The following ZNF484 variants were observed in gnomAD, a reference collection of about 807,000 sequenced individuals.
ZNF484 encodes zinc finger protein 484.
Under a neutral mutation model 12.9 loss-of-function variants are expected in ZNF484, and 11 were observed. That is an observed-to-expected ratio of 0.85 (90% CI 0.54 to 1.41). ZNF484 has a LOEUF of 1.41. ZNF484 is among the 40% of genes most tolerant of loss of function. ZNF484 has a pLI of 0.00. For synonymous variants in ZNF484, 289 were observed against 334.1 expected, an observed-to-expected ratio of 0.86 and a Z score of 1.47; for missense variants, 807 against 1,007.7, an observed-to-expected ratio of 0.80 and a Z score of 2.70.
At chr9:92,863,513 G>A (rs1464241732) in intron 2 of ZNF484, among the ~76,000 whole-genome samples, 1 of 152,142 alleles carries the variant, frequency 6.6e-6, no homozygotes, top group East Asian at 1.9e-4. Flanking sequence ...TCATGTGAAA[G>A]AATTAAAACA....
chr9:92,852,353 G>C lies in ZNF484; in HGVS notation c.235+3458C>G, dbSNP rs374464923. On this transcript the variant is annotated intron_variant, in intron 4 of 4. Transcript: ENST00000375495. Reference sequence around the variant, plus strand: ...TTGTTGCCCAGGCTGGAGTGCAGTGGCACGATCTCGGCTCACTGCAAGCTC... The same window carrying C: ...TTGTTGCCCAGGCTGGAGTGCAGTGCCACGATCTCGGCTCACTGCAAGCTC... 3.7e-4 allele frequency among the ~76,000 whole-genome samples: 57 copies of C among 152,176 alleles called. No individual in the cohort carries two copies. The East Asian group carries it at 5.2e-3, about 14-fold the overall frequency.
intron 2 of ZNF484, among the ~76,000 whole-genome samples, chr9:92,869,097 T>G (rs1274316075): frequency 6.6e-6 from 1 of 152,072 alleles, no homozygotes; most frequent in African/African-American, 2.4e-5. Context: ...GTAGGGGTTG[T>G]GACTGAATTA....
chr9:92,855,614 G>C (rs1371351344), intron 4 of ZNF484, among the ~76,000 whole-genome samples, 197 bp downstream of exon 4: 1 of 152,136 alleles, frequency 6.6e-6, no homozygotes, highest in East Asian at 1.9e-4. Context: ...AAAGAAGAAG[G>C]CATTGATATG....
At chr9:92,852,514 G>A (rs943947690) in intron 4 of ZNF484, among the ~76,000 whole-genome samples, 2 of 141,474 alleles carry the variant, frequency 1.4e-5, no homozygotes, top group East Asian at 4.1e-4. Flanking sequence ...ACAGGCGTGA[G>A]CCACCACGCC....
In ZNF484 at chr9:92,846,754, C is replaced by T; in HGVS notation, c.2033G>A (p.Gly678Asp). 6.2e-7 allele frequency: 1 copy of T among 1,613,400 alleles called. No individual in the cohort carries two copies. ...ATGGGATTGCTGATGTATATGGAGA[C>T]CTGACTTCCTAGTGAAGGCTTTCCC... Reference protein sequence around the residue: ...DCGKAFTRKSGLHIHQQSHTG... With the variant: ...DCGKAFTRKSDLHIHQQSHTG... Residue 678 changes from glycine (G) to aspartate (D), a missense_variant, in exon 5 of 5, where the codon GGT (glycine) becomes GAT (aspartate). Transcript: ENST00000375495.
chr9:92,871,369 A>G (rs558913571), intron 2 of ZNF484, among the ~76,000 whole-genome samples: 1 of 152,278 alleles, frequency 6.6e-6, no homozygotes, highest in East Asian at 1.9e-4. Context: ...AAATGATCTA[A>G]TCTAAAGAAT....
chr9:92,856,505 T>A (rs1856472599), intron 2 of ZNF484, among the ~76,000 whole-genome samples, 187 bp from the exon 3 acceptor site: 1 of 152,132 alleles, frequency 6.6e-6, no homozygotes, highest in Non-Finnish European at 1.5e-5. Context: ...AAAATAATTT[T>A]AAAAATGGGT....
intron 2 of ZNF484, 150 bp downstream of exon 2, chr9:92,874,865 G>T: frequency 1.4e-6 from 1 of 722,240 alleles, no homozygotes; most frequent in Non-Finnish European, 2.3e-6. Context: ...AACTTGACTT[G>T]GGGCTGACAG....
At chr9:92,865,074 A>G (rs989577271) in intron 2 of ZNF484, among the ~76,000 whole-genome samples, 1 of 152,208 alleles carries the variant, frequency 6.6e-6, no homozygotes, top group Non-Finnish European at 1.5e-5. Context: ...GAGAAAGAGT[A>G]TATTCATCAT....
In ZNF484 at chr9:92,847,409, G is replaced by A. The variant is rs754913568; in HGVS notation, c.1378C>T (p.Arg460Ter). 39 of 1,613,490 alleles carry A rather than the reference G, an allele frequency of 2.4e-5. No individual in the cohort carries two copies. The highest frequency in any genetic ancestry group is 1.6e-4 in the Middle Eastern group (1 of 6,082). ...IKKSQLHVHQ[R>*]IHTGENPFIC... is the part of the protein sequence containing the mutation. ...AAGGGATTCTCTCCTGTGTGAATTC[G>A]CTGATGCACATGGAGTTGTGATTTT... The change falls in exon 5 of 5, where the codon CGA becomes TGA. Residue 460 changes from arginine to a stop codon, truncating the protein, a stop_gained. Transcript: ENST00000375495. LOFTEE classifies it low-confidence loss of function (END_TRUNC).
chr9:92,867,204 C>T (rs750816567), intron 2 of ZNF484, among the ~76,000 whole-genome samples: 2 of 152,104 alleles, frequency 1.3e-5, no homozygotes, highest in Non-Finnish European at 2.9e-5. Context: ...ATTAGCCGGG[C>T]ACAGTGGCTC....
chr9:92,859,963 T>TG (rs1856682939), intron 2 of ZNF484, among the ~76,000 whole-genome samples: 1 of 152,162 alleles, frequency 6.6e-6, no homozygotes, highest in Admixed American at 6.5e-5. Flanking sequence ...ATAATACGCA[T>TG]GGAGTATTGC....
intron 1 of ZNF484, among the ~76,000 whole-genome samples, chr9:92,876,921 T>C (rs1210543156): frequency 1.3e-5 from 2 of 152,186 alleles, no homozygotes; most frequent in Non-Finnish European, 2.9e-5. Context: ...CAAAATATAA[T>C]TTTTCTTTTA....
Position 92,846,617 on chromosome 9 carries a change from C to G in ZNF484, c.2170G>C (p.Glu724Gln). The change falls in exon 5 of 5, where the codon GAA (glutamate) becomes CAA (glutamine). Residue 724 changes from glutamate (E) to glutamine (Q), a missense_variant. Glu to Gln is a conservative substitution (Grantham distance 29). Coordinates refer to ENST00000375495, the MANE Select transcript of ZNF484 (RefSeq NM_031486.4). The stretch of plus-strand genomic sequence containing the variant: ...TTCTGGATGAAGGATTTCCCACATT[C>G]ATTACAAATATAGGGTTTCTCTCCT... Reference protein sequence around the residue: ...HTGEKPYICNECGKSFIQKSH... With the variant: ...HTGEKPYICNQCGKSFIQKSH... The G allele has an allele frequency of 1.2e-6, 2 of 1,613,802 alleles. No individual in the cohort carries two copies. Among genetic ancestry groups the G allele is most frequent in the South Asian group, 2.2e-5 (2 of 91,056 alleles).
At position 92,847,551 on chromosome 9, in the gene ZNF484, A is replaced by G. The variant is rs765495698; in HGVS notation, c.1236T>C (p.Tyr412=). The stretch of plus-strand genomic sequence containing the variant: ...AGGCCTTCCCACATTCAGTACATAC[A>G]TAAGGTTTTTCTCCTGTATGGATTT... ...HQKIHTGEKP[Y]VCTECGKAFI... The change falls in exon 5 of 5, where the codon TAT becomes TAC. Residue 412 remains tyrosine (Y), a synonymous_variant. Transcript: ENST00000375495. The G allele has an allele frequency of 1.1e-5, 18 of 1,614,022 alleles. No homozygotes were observed. Among genetic ancestry groups the G allele is most frequent in the African/African-American group, 4.0e-5 (3 of 74,944 alleles).
intron 2 of ZNF484, among the ~76,000 whole-genome samples, chr9:92,859,331 A>G (rs1054288723): frequency 1.3e-5 from 2 of 152,174 alleles, no homozygotes; most frequent in Non-Finnish European, 2.9e-5. Flanking sequence ...AGAAAAATAC[A>G]TAAAGCATCT....
chr9:92,855,167 T>C (rs896871228), intron 4 of ZNF484, among the ~76,000 whole-genome samples: 1 of 152,200 alleles, frequency 6.6e-6, no homozygotes, highest in Non-Finnish European at 1.5e-5. Flanking sequence ...AGGATATACC[T>C]GTACACTAGA....
chr9:92,867,354 C>T (rs767141626), intron 2 of ZNF484, among the ~76,000 whole-genome samples: 8 of 152,074 alleles, frequency 5.3e-5, no homozygotes, highest in South Asian at 2.1e-4. Flanking sequence ...TGGTGGCAGG[C>T]GCCTGTAGTC....
intron 1 of ZNF484, among the ~76,000 whole-genome samples, chr9:92,876,188 AAATT>A (rs1857798141): frequency 6.6e-6 from 1 of 152,230 alleles, no homozygotes; most frequent in Admixed American, 6.5e-5. Context: ...ACTAAAGAGA[AAATT>A]AATAATACCC....
Sources: allele counts gnomAD v4.1 joint callset (sites outside exome capture counted in the v4.1 genomes callset), GRCh38; gene constraint gnomAD v4.1.1; transcripts MANE v1.5; gene names NCBI Gene and HGNC (gene_info 2026-07-23, HGNC 2026-07-21).